The following PRDM16 variants were observed in gnomAD, a reference collection of about 807,000 sequenced individuals.
PRDM16 encodes PR/SET domain 16, also known as histone-lysine N-methyltransferase PRDM16.
Under a neutral mutation model 110.6 loss-of-function variants are expected in PRDM16, and 23 were observed. The ratio of observed to expected loss-of-function variants is 0.21; its 90% CI spans 0.15 to 0.29. The LOEUF is 0.29. PRDM16 is among the 10% of genes least tolerant of loss of function. The pLI is 1.00. For synonymous variants in PRDM16, 799 were observed against 781.8 expected, an observed-to-expected ratio of 1.02 and a Z score of -0.37; for missense variants, 1,615 against 1,794.3, an observed-to-expected ratio of 0.90 and a Z score of 1.81.
intron 1 of PRDM16, among the ~76,000 whole-genome samples, chr1:3,132,097 G>A (rs1446202682): frequency 5.3e-5 from 8 of 152,144 alleles, no homozygotes; most frequent in Non-Finnish European, 1.2e-4. Context: ...GGCTCAATGG[G>A]GCATTAGGGG....
At chr1:3,177,486 T>A (rs1644103701) in intron 1 of PRDM16, among the ~76,000 whole-genome samples, 1 of 152,236 alleles carries the variant, frequency 6.6e-6, no homozygotes, top group Non-Finnish European at 1.5e-5. Flanking sequence ...TCTCTGAGCT[T>A]CACTTCTTTG....
chr1:3,319,006 T>C (rs1374753046), intron 3 of PRDM16, among the ~76,000 whole-genome samples: 1 of 152,166 alleles, frequency 6.6e-6, no homozygotes, highest in African/African-American at 2.4e-5. Flanking sequence ...ACATTTAGAG[T>C]GACATCCAGA....
In PRDM16 at chr1:3,213,443, T is replaced by A. The variant is rs763072141; in HGVS notation, c.387+26969T>A. ...AATTATAAAATTGGGAGGACTGTAATTTTCCACTTAGGCTTGTCACCAATC... is the reference window on the plus strand; with the variant it reads ...AATTATAAAATTGGGAGGACTGTAAATTTCCACTTAGGCTTGTCACCAATC... On this transcript the variant is annotated intron_variant, in intron 2 of 16. Coordinates refer to ENST00000270722, the MANE Select transcript of PRDM16 (RefSeq NM_022114.4). The surrounding 1 kb of genome is among the most constrained non-coding windows in gnomAD (Gnocchi z 5.3). Among the ~76,000 whole-genome samples, 13 of 152,126 alleles carry A rather than the reference T, an allele frequency of 8.5e-5. No individual in the cohort carries two copies. The highest frequency in any genetic ancestry group is 1.3e-4 in the Non-Finnish European group (9 of 68,024).
chr1:3,204,929 A>G (rs577189579), intron 2 of PRDM16, among the ~76,000 whole-genome samples: 1 of 152,190 alleles, frequency 6.6e-6, no homozygotes, highest in South Asian at 2.1e-4. Context: ...ATGTGCTCCG[A>G]ACGGGGAGCT....
intron 2 of PRDM16, among the ~76,000 whole-genome samples, chr1:3,233,445 G>A (rs1220199702): frequency 1.3e-5 from 2 of 152,112 alleles, no homozygotes; most frequent in African/African-American, 2.4e-5. Context: ...TCCTGCCGCT[G>A]CCACTCACAG....
At chr1:3,411,304 C>T (rs1414606198) in intron 8 of PRDM16, 80 bp from the exon 9 acceptor site, 3 of 1,483,988 alleles carry the variant, frequency 2.0e-6, no homozygotes, top group East Asian at 2.3e-5. Flanking sequence ...CTGGCTTTCC[C>T]AGTAATTTCA....
At chr1:3,247,827 G>A (rs554465390) in intron 3 of PRDM16, among the ~76,000 whole-genome samples, 18 of 152,376 alleles carry the variant, frequency 1.2e-4, no homozygotes, top group African/African-American at 3.8e-4. Flanking sequence ...GTCGGGCTGC[G>A]TCGCGCCTTT....
chr1:3,123,177 C>T (rs1643132354), intron 1 of PRDM16, among the ~76,000 whole-genome samples: 1 of 152,236 alleles, frequency 6.6e-6, no homozygotes, highest in Admixed American at 6.5e-5. Context: ...CCCTCTTCTG[C>T]CATCATGGCA....
rs529582934 is a variant in PRDM16, at chr1:3,423,707, G to A, written c.2940-1874G>A. Among the ~76,000 whole-genome samples the A allele has an allele frequency of 7.2e-5, 11 of 152,284 alleles. No individual in the cohort carries two copies. In the South Asian group the frequency reaches 1.2e-3, roughly 17 times the overall value. Reference sequence around the variant, plus strand: ...TGCTTAGAACAGCCACACCCACTCCGGGTGAACAAACCCTGCCCCATCCTG... The same window carrying A: ...TGCTTAGAACAGCCACACCCACTCCAGGTGAACAAACCCTGCCCCATCCTG... On this transcript the variant is annotated intron_variant, in intron 12 of 16. Coordinates refer to ENST00000270722, the MANE Select transcript of PRDM16 (RefSeq NM_022114.4).
At chr1:3,276,807 CT>C (rs539827558) in intron 3 of PRDM16, among the ~76,000 whole-genome samples, 114 of 146,728 alleles carry the variant, frequency 7.8e-4, no homozygotes, top group African/African-American at 3.1e-3. Flanking sequence ...CGTCTGACAT[CT>C]CCTGTTGCCT....
At chr1:3,166,784 T>A (rs1263442484) in intron 1 of PRDM16, among the ~76,000 whole-genome samples, 1 of 152,150 alleles carries the variant, frequency 6.6e-6, no homozygotes, top group African/African-American at 2.4e-5. Context: ...TCTTTGCCTC[T>A]CTGAGTGGCC....
chr1:3,411,853 G>A lies in PRDM16; in HGVS notation c.1656G>A (p.Gly552=). The change falls in exon 9 of 17, where the codon GGG becomes GGA. Residue 552 remains glycine, a synonymous_variant. Coordinates refer to ENST00000270722, the MANE Select transcript of PRDM16 (RefSeq NM_022114.4). ...ACGCCAAGCTCCCCAGTCCCCTGGG[G>A]AACCCAGCCCTGCCCCTGGTCTCCG... ...TQDAKLPSPL[G]NPALPLVSAV... is the part of the protein sequence containing the mutation. The A allele has an allele frequency of 1.2e-6, 2 of 1,611,506 alleles. No homozygotes were observed. The highest frequency in any genetic ancestry group is 1.7e-6 in the Non-Finnish European group (2 of 1,178,688).
At chr1:3,317,355 G>A (rs967547422) in intron 3 of PRDM16, among the ~76,000 whole-genome samples, 2 of 152,204 alleles carry the variant, frequency 1.3e-5, no homozygotes, top group East Asian at 3.9e-4. Context: ...AGGCTGCAGC[G>A]AGCCCCAGCT....
At chr1:3,293,607 C>T (rs1396007171) in intron 3 of PRDM16, among the ~76,000 whole-genome samples, 1 of 152,238 alleles carries the variant, frequency 6.6e-6, no homozygotes, top group Non-Finnish European at 1.5e-5. Context: ...AACCGATGAT[C>T]AGAGGGGAAT....
chr1:3,098,040 C>T (rs1416287829), intron 1 of PRDM16, among the ~76,000 whole-genome samples: 1 of 152,202 alleles, frequency 6.6e-6, no homozygotes, highest in African/African-American at 2.4e-5. Context: ...AAACTGCCCC[C>T]GCCCCTCTCC....
intron 15 of PRDM16, 104 bp downstream of exon 15, chr1:3,431,212 AG>A (rs1638759180): frequency 6.8e-7 from 1 of 1,474,090 alleles, no homozygotes; most frequent in Non-Finnish European, 9.0e-7. Context: ...TCCCTGGCTC[AG>A]CCCCTACTCC....
chr1:3,135,238 G>A (rs375499995), intron 1 of PRDM16, among the ~76,000 whole-genome samples: 2 of 152,162 alleles, frequency 1.3e-5, no homozygotes, highest in Non-Finnish European at 2.9e-5. Flanking sequence ...CCTTGGCTTC[G>A]GGCTGGACTG....
intron 1 of PRDM16, among the ~76,000 whole-genome samples, chr1:3,159,623 G>C (rs921970212): frequency 5.9e-5 from 9 of 152,218 alleles, no homozygotes; most frequent in African/African-American, 2.2e-4. Context: ...AGACTTCAAG[G>C]TGTGAATTTG....
Position 3,434,483 on chromosome 1 carries a change from G to C in PRDM16, c.*672G>C, listed in dbSNP as rs1302178248. ...AAATTTTCTATCTCTGTCCCTATTT[G>C]TATAAGCCAAGGTGATGCTGGGTGC... On this transcript the variant is annotated 3_prime_UTR_variant, in exon 17 of 17. Coordinates refer to ENST00000270722, the MANE Select transcript of PRDM16 (RefSeq NM_022114.4). 5 of 231,556 alleles carry C rather than the reference G, an allele frequency of 2.2e-5. No individual in the cohort carries two copies. The highest frequency in any genetic ancestry group is 1.1e-4 in the African/African-American group (5 of 45,214). The allele number at this position is 231,556 out of a possible 1,614,324, so 14.3% of individuals were successfully genotyped here. A position where few individuals can be genotyped will look rare whatever the true frequency, so the allele number is the denominator to read the frequency against.
Sources: gnomAD v4.1 joint callset for allele counts (sites outside exome capture counted in the v4.1 genomes callset) on GRCh38, gnomAD v4.1.1 for gene constraint, Gnocchi (gnomAD v3.1) non-coding constraint, MANE v1.5 for transcripts, NCBI Gene and HGNC (gene_info 2026-07-23, HGNC 2026-07-21) for gene names.